TM4SF18: variants seen among roughly 807,000 people sequenced by gnomAD.
The protein encoded by TM4SF18 is transmembrane 4 L six family member 18, also known as transmembrane 4 L6 family member 18.
TM4SF18 carries 22 observed loss-of-function variants against 23.8 expected under a neutral mutation model. That is an observed-to-expected ratio of 0.92 (90% CI 0.66 to 1.32). TM4SF18 has a LOEUF of 1.32. TM4SF18 is among the 40% of genes most tolerant of loss of function. The pLI, the probability that TM4SF18 is intolerant of heterozygous loss-of-function variation, is 0.00. For synonymous variants in TM4SF18, 87 were observed against 87.9 expected (o/e 0.99, Z 0.06); for missense variants, 255 against 240.3 (o/e 1.06, Z -0.41).
intron 3 of TM4SF18, among the ~76,000 whole-genome samples, chr3:149,326,115 A>T (rs531946210): frequency 6.6e-6 from 1 of 152,348 alleles, no homozygotes; most frequent in South Asian, 2.1e-4. Flanking sequence ...GAATAAAAAC[A>T]TTCTATTATT....
intron 4 of TM4SF18, among the ~76,000 whole-genome samples, chr3:149,324,046 T>C (rs990690579): frequency 1.6e-4 from 24 of 152,218 alleles, no homozygotes; most frequent in Non-Finnish European, 5.9e-5. Context: ...AAGCTAATCA[T>C]GGAGAGTTGA....
At position 149,322,330 on chromosome 3, in the gene TM4SF18, C is replaced by T; in HGVS notation, c.517G>A (p.Val173Met). 5 of 1,614,056 alleles carry T rather than the reference C, an allele frequency of 3.1e-6. No individual in the cohort carries two copies. Among genetic ancestry groups the T allele is most frequent in the Non-Finnish European group, 4.2e-6 (5 of 1,179,990 alleles). The change falls in exon 5 of 6, where the codon GTG becomes ATG. Residue 173 changes from valine to methionine, a missense_variant. By Grantham distance (21) the Val-to-Met change is conservative. Coordinates refer to ENST00000296059, the MANE Select transcript of TM4SF18 (RefSeq NM_138786.4). Reference protein sequence around the residue: ...SILITLSGLQVIICLIRVVMQ... With the variant: ...SILITLSGLQMIICLIRVVMQ... ...ACTACTCTGATGAGGCAGATGATCA[C>T]TTGAAGCCCACTGAGGGTTATGAGA... is the stretch of plus-strand genomic sequence containing the variant.
At chr3:149,327,563 T>C (rs1474964528) in intron 3 of TM4SF18, among the ~76,000 whole-genome samples, 1 of 152,104 alleles carries the variant, frequency 6.6e-6, no homozygotes, top group Non-Finnish European at 1.5e-5. Context: ...AAAATTAGCT[T>C]TAGAAATGTT....
At position 149,325,029 on chromosome 3, in the gene TM4SF18, TA is replaced by T; in HGVS notation, c.268-8del. 1 of 1,612,514 alleles carries T rather than the reference TA, an allele frequency of 6.2e-7. No homozygotes were observed. The highest frequency in any genetic ancestry group is 8.5e-7 in the Non-Finnish European group (1 of 1,179,226). On this transcript the variant is annotated splice_polypyrimidine_tract_variant and splice_region_variant and intron_variant, in intron 3 of 5. Transcript: ENST00000296059. ...AGATAATTGACAGCAGTGTCTAAAT[TA>T]AAACATAGAAGCAGGTTAGTACCAT...
In TM4SF18 at chr3:149,322,248, T is replaced by C; in HGVS notation, c.591+8A>G. The C allele has an allele frequency of 6.2e-7, 1 of 1,605,968 alleles. No individual in the cohort carries two copies. Among genetic ancestry groups the C allele is most frequent in the Non-Finnish European group, 8.5e-7 (1 of 1,175,844 alleles). Reference sequence around the variant, plus strand: ...GATGAGCTACAGGTGCCCATGAGAATCTGTTACCTGGAAGATCACTGAATA... The same window carrying C: ...GATGAGCTACAGGTGCCCATGAGAACCTGTTACCTGGAAGATCACTGAATA... On this transcript the variant is annotated splice_region_variant and intron_variant, in intron 5 of 5. Coordinates refer to ENST00000296059, the MANE Select transcript of TM4SF18 (RefSeq NM_138786.4).
Position 149,333,486 on chromosome 3 carries a change from T to TTTTG in TM4SF18, c.-18+26_-18+27insCAAA, listed in dbSNP as rs1364148271. On this transcript the variant is annotated intron_variant, in intron 1 of 5. Coordinates refer to ENST00000296059, the MANE Select transcript of TM4SF18 (RefSeq NM_138786.4). ...CTTTTTTTTCTCTCTCTCTCTCTTT[T>TTTTG]TTTTTTTTTTTTTTGAGATTACCTA... 6.8e-4 allele frequency: 574 copies of TTTTG among 843,550 alleles called. 11 individuals are homozygous for TTTTG. In the African/African-American group the frequency reaches 9.5e-3, roughly 14 times the overall value. The allele number at this position is 843,550 out of a possible 1,614,324, so 52.3% of individuals were successfully genotyped here.
At chr3:149,329,489 T>C (rs968789980) in intron 3 of TM4SF18, among the ~76,000 whole-genome samples, 1 of 152,162 alleles carries the variant, frequency 6.6e-6, no homozygotes, top group African/African-American at 2.4e-5. Context: ...GCCTACCAGA[T>C]ATCATCATAA....
intron 2 of TM4SF18, 76 bp downstream of exon 2, chr3:149,333,130 A>G: frequency 2.2e-6 from 3 of 1,340,230 alleles, no homozygotes; most frequent in Non-Finnish European, 1.0e-6. Context: ...TCCATTATTC[A>G]TTACTTCTAC....
chr3:149,333,552 G>C lies in TM4SF18; in HGVS notation c.-57C>G, dbSNP rs955140557. On this transcript the variant is annotated 5_prime_UTR_variant, in exon 1 of 6. Coordinates refer to ENST00000296059, the MANE Select transcript of TM4SF18 (RefSeq NM_138786.4). ...GAGCCCTTCACTTCATATTCATGAGGAGACGGGGAATTGGAATATACCCGC... is the reference window on the plus strand; with the variant it reads ...GAGCCCTTCACTTCATATTCATGAGCAGACGGGGAATTGGAATATACCCGC... 23 of 459,380 alleles carry C rather than the reference G, an allele frequency of 5.0e-5. No individual in the cohort carries two copies. The highest frequency in any genetic ancestry group is 4.7e-4 in the South Asian group (8 of 17,114). The allele number at this position is 459,380 out of a possible 1,614,324, so 28.5% of individuals were successfully genotyped here.
Position 149,321,029 on chromosome 3 carries a change from A to G in TM4SF18, c.*449T>C, listed in dbSNP as rs1463704146. On this transcript the variant is annotated 3_prime_UTR_variant, in exon 6 of 6. Coordinates refer to ENST00000296059, the MANE Select transcript of TM4SF18 (RefSeq NM_138786.4). ...TTGTAATGACTGTAATTTTACAACC[A>G]TGTAGTACTCTTTATTTTTTATTTA... The G allele has an allele frequency of 2.6e-5, 4 of 152,154 alleles. No homozygotes were observed. The highest frequency in any genetic ancestry group is 9.7e-5 in the African/African-American group (4 of 41,428). 9.4% of individuals were successfully genotyped at this position (152,154 alleles called of 1,614,324 possible).
Position 149,333,591 on chromosome 3 carries a change from A to T in TM4SF18, c.-96T>A. 2.4e-6 allele frequency: 1 copy of T among 425,530 alleles called. No homozygotes were observed. Among genetic ancestry groups the T allele is most frequent in the African/African-American group, 2.0e-5 (1 of 48,858 alleles). The allele number at this position is 425,530 out of a possible 1,614,324, so 26.4% of individuals were successfully genotyped here. A position where few individuals can be genotyped will look rare whatever the true frequency, so the allele number is the denominator to read the frequency against. On this transcript the variant is annotated 5_prime_UTR_variant, in exon 1 of 6. Coordinates refer to ENST00000296059, the MANE Select transcript of TM4SF18 (RefSeq NM_138786.4). ...GAATATACCCGCAGCCGACAATCTC[A>T]GTGTGAAATACTGGTTTACTGTTTG...
chr3:149,329,007 C>G (rs1325737571), intron 3 of TM4SF18, among the ~76,000 whole-genome samples: 1 of 152,086 alleles, frequency 6.6e-6, no homozygotes, highest in Admixed American at 6.6e-5. Context: ...TTATTTTACA[C>G]TTAATATCAC....
chr3:149,328,756 C>G (rs565680878), intron 3 of TM4SF18, among the ~76,000 whole-genome samples: 141 of 152,242 alleles, frequency 9.3e-4, no homozygotes, highest in Admixed American at 4.8e-3. Flanking sequence ...TCATTTAATT[C>G]ATTTATGTCA....
Position 149,320,772 on chromosome 3 carries a change from T to C in TM4SF18, c.*706A>G, listed in dbSNP as rs1369748492. The C allele has an allele frequency of 6.6e-6, 1 of 152,204 alleles. No homozygotes were observed. The highest frequency in any genetic ancestry group is 2.1e-4 in the South Asian group (1 of 4,836). The allele number at this position is 152,204 out of a possible 1,614,324, so 9.4% of individuals were successfully genotyped here. On this transcript the variant is annotated 3_prime_UTR_variant, in exon 6 of 6. Transcript: ENST00000296059. Reference sequence around the variant, plus strand: ...AAAATATGAGTTTAGAAAATATTTATAGTAAAACATATTCAATAAAGAAAT... The same window carrying C: ...AAAATATGAGTTTAGAAAATATTTACAGTAAAACATATTCAATAAAGAAAT...
In TM4SF18 at chr3:149,318,632, A is replaced by G. The variant is rs1205722154; in HGVS notation, c.*2846T>C. On this transcript the variant is annotated 3_prime_UTR_variant, in exon 6 of 6. Coordinates refer to ENST00000296059, the MANE Select transcript of TM4SF18 (RefSeq NM_138786.4). ...GTCCTATCATTAGGAGATAATTATTAAGTATTAACTTGTGCGTACTTATGC... is the reference window on the plus strand; with the variant it reads ...GTCCTATCATTAGGAGATAATTATTGAGTATTAACTTGTGCGTACTTATGC... The G allele has an allele frequency of 5.3e-5, 8 of 152,228 alleles. No homozygotes were observed. The highest frequency in any genetic ancestry group is 1.0e-4 in the Non-Finnish European group (7 of 68,046). 9.4% of individuals were successfully genotyped at this position (152,228 alleles called of 1,614,324 possible). A position where few individuals can be genotyped will look rare whatever the true frequency, so the allele number is the denominator to read the frequency against.
At chr3:149,330,467 A>G (rs756542085) in intron 2 of TM4SF18, 48 bp from the exon 3 acceptor site, 11 of 1,303,516 alleles carry the variant, frequency 8.4e-6, no homozygotes, top group Middle Eastern at 2.1e-4. Flanking sequence ...GCTAGTTTAC[A>G]TTTGTGCTTA....
Position 149,333,484 on chromosome 3 carries a change from T to C in TM4SF18, c.-18+29A>G, listed in dbSNP as rs61697625. ...ACCTTTTTTTTCTCTCTCTCTCTCT[T>C]TTTTTTTTTTTTTTTTGAGATTACC... On this transcript the variant is annotated intron_variant, in intron 1 of 5. Transcript: ENST00000296059. 721 of 125,682 alleles carry C rather than the reference T, an allele frequency of 5.7e-3. 32 individuals carry two copies. Among genetic ancestry groups the C allele is most frequent in the Middle Eastern group, 0.033 (14 of 428 alleles). The allele number at this position is 125,682 out of a possible 1,614,324, so 7.8% of individuals were successfully genotyped here. A position where few individuals can be genotyped will look rare whatever the true frequency, so the allele number is the denominator to read the frequency against.
chr3:149,322,199 A>G, intron 5 of TM4SF18, 57 bp downstream of exon 5: 1 of 1,472,064 alleles, frequency 6.8e-7, no homozygotes, highest in East Asian at 2.3e-5. Context: ...GCCTCATTGA[A>G]TCCTGGGAAG....
rs997659211 is a variant in TM4SF18, at chr3:149,330,512, G to A, written c.178-93C>T. On this transcript the variant is annotated intron_variant, in intron 2 of 5. Coordinates refer to ENST00000296059, the MANE Select transcript of TM4SF18 (RefSeq NM_138786.4). ...GACAGCGTCTTCAAGCATAGAGTCT[G>A]GGGTCAGGTAGATATGGATTTGAAT... 1.8e-5 allele frequency: 14 copies of A among 778,598 alleles called. No homozygotes were observed. The South Asian group carries it at 2.7e-4, about 15-fold the overall frequency. The allele number at this position is 778,598 out of a possible 1,614,324, so 48.2% of individuals were successfully genotyped here. A position where few individuals can be genotyped will look rare whatever the true frequency, so the allele number is the denominator to read the frequency against.
Sources: gnomAD v4.1 joint callset for allele counts (sites outside exome capture counted in the v4.1 genomes callset) on GRCh38, gnomAD v4.1.1 for gene constraint, MANE v1.5 for transcripts, NCBI Gene and HGNC (gene_info 2026-07-23, HGNC 2026-07-21) for gene names.